Variants in ARHGAP24 observed in about 807,000 individuals in gnomAD.
ARHGAP24 encodes Rho GTPase activating protein 24.
A neutral mutation model predicts 76.4 loss-of-function variants in ARHGAP24; 50 were observed. The ratio of observed to expected loss-of-function variants is 0.65; its 90% CI spans 0.52 to 0.83. ARHGAP24 has a LOEUF of 0.83. Ranked by LOEUF, ARHGAP24 falls within the 40% of genes least tolerant of loss-of-function variation. The pLI, the probability that ARHGAP24 is intolerant of heterozygous loss-of-function variation, is 0.00. For missense variants in ARHGAP24, 930 were observed against 914.2 expected (o/e 1.02, Z -0.22); for synonymous variants, 345 against 323.3 (o/e 1.07, Z -0.72).
In ARHGAP24 at chr4:85,914,212, A is replaced by G. The variant is rs538880756; in HGVS notation, c.269-9436A>G. Among the ~76,000 whole-genome samples the G allele has an allele frequency of 7.1e-4, 108 of 152,362 alleles. 4 individuals are homozygous for G. The South Asian group carries it at 0.022, about 31-fold the overall frequency. On this transcript the variant is annotated intron_variant, in intron 3 of 9. Coordinates refer to ENST00000395184, the MANE Select transcript of ARHGAP24 (RefSeq NM_001025616.3). ...TTTCTGGCTGAATGGCTGTCACTGA[A>G]GGAATAAGACATGAATACAAGCTAA...
Position 85,623,320 on chromosome 4 carries a change from G to A in ARHGAP24, c.180+52599G>A, listed in dbSNP as rs866872097. 8.4e-3 allele frequency among the ~76,000 whole-genome samples: 1,280 copies of A among 152,244 alleles called. 21 individuals carry two copies. The highest frequency in any genetic ancestry group is 0.029 in the African/African-American group (1,222 of 41,526). On this transcript the variant is annotated intron_variant, in intron 2 of 9. Coordinates refer to ENST00000395184, the MANE Select transcript of ARHGAP24 (RefSeq NM_001025616.3). ...AGTTTCAGCTTTCTACATATGGCTA[G>A]CCAGTTTTCCCAGCACCATTTATTA...
At chr4:85,626,390 T>A (rs574493019) in intron 2 of ARHGAP24, among the ~76,000 whole-genome samples, 57 of 152,152 alleles carry the variant, frequency 3.7e-4, no homozygotes, top group African/African-American at 1.1e-3. Context: ...AGAATGTTGA[T>A]TATTGGTCCC....
At chr4:85,546,151 G>A (rs890024026) in intron 1 of ARHGAP24, among the ~76,000 whole-genome samples, 1 of 152,092 alleles carries the variant, frequency 6.6e-6, no homozygotes, top group African/African-American at 2.4e-5. Flanking sequence ...ACATGCATAT[G>A]CATAAGCATA....
intron 2 of ARHGAP24, among the ~76,000 whole-genome samples, chr4:85,700,468 G>A (rs1309915885): frequency 6.6e-6 from 1 of 151,648 alleles, no homozygotes; most frequent in Non-Finnish European, 1.5e-5. Context: ...CAGCTGACGT[G>A]GTGCAAAAGA....
In ARHGAP24 at chr4:85,541,378, C is replaced by T. The variant is rs908327796; in HGVS notation, c.-20-29144C>T. ...CCATTTTAGCCGGGATGGTCTTGAT[C>T]TCCTGACCTCGTGATCCGCCCGCCT... On this transcript the variant is annotated intron_variant, in intron 1 of 9. Coordinates refer to ENST00000395184, the MANE Select transcript of ARHGAP24 (RefSeq NM_001025616.3). 6.8e-4 allele frequency among the ~76,000 whole-genome samples: 82 copies of T among 121,370 alleles called. 20 individuals are homozygous for T. Among genetic ancestry groups the T allele is most frequent in the African/African-American group, 4.9e-3 (79 of 15,990 alleles). 79.6% of individuals were successfully genotyped at this position (121,370 alleles called of 152,430 possible). A position where few individuals can be genotyped will look rare whatever the true frequency, so the allele number is the denominator to read the frequency against.
chr4:85,779,074 A>G, intron 3 of ARHGAP24: 3 of 740,760 alleles, frequency 4.0e-6, no homozygotes, highest in Non-Finnish European at 4.9e-6. Context: ...TTTGAGAGAA[A>G]ATATACCCTT....
chr4:85,932,859 A>C (rs1022416936), intron 4 of ARHGAP24, among the ~76,000 whole-genome samples: 4 of 152,116 alleles, frequency 2.6e-5, no homozygotes, highest in African/African-American at 9.7e-5. Flanking sequence ...CTGCGTGCCC[A>C]CAGTTCTGCA....
intron 2 of ARHGAP24, among the ~76,000 whole-genome samples, chr4:85,665,630 C>T (rs935764519): frequency 5.3e-5 from 8 of 152,192 alleles, no homozygotes; most frequent in African/African-American, 1.9e-4. Flanking sequence ...TACAATTTGG[C>T]TTGATTTTGC....
intron 8 of ARHGAP24, 134 bp from the exon 9 acceptor site, chr4:85,994,449 T>C (rs1740520832): frequency 5.6e-6 from 5 of 890,914 alleles, no homozygotes; most frequent in Non-Finnish European, 9.2e-6. Context: ...GCTATTATCA[T>C]AGTTAAGAAT....
intron 3 of ARHGAP24, among the ~76,000 whole-genome samples, chr4:85,761,264 A>G (rs550458396): frequency 6.6e-6 from 1 of 152,210 alleles, no homozygotes; most frequent in South Asian, 2.1e-4. Context: ...CGTGCCCAAA[A>G]TCTCATCAGT....
At position 85,931,122 on chromosome 4, in the gene ARHGAP24, A is replaced by G. The variant is rs532565956; in HGVS notation, c.391+7352A>G. 7 of 1,426,532 alleles carry G rather than the reference A, an allele frequency of 4.9e-6. No homozygotes were observed. The African/African-American group carries it at 7.2e-5, about 15-fold the overall frequency. The allele number at this position is 1,426,532 out of a possible 1,614,324, so 88.4% of individuals were successfully genotyped here. On this transcript the variant is annotated intron_variant, in intron 4 of 9. Coordinates refer to ENST00000395184, the MANE Select transcript of ARHGAP24 (RefSeq NM_001025616.3). ...GGCTTTAAGGTCTGTTTATGCTCAGATAAAATGGGAGTTTGGAAACCAAGA... is the reference window on the plus strand; with the variant it reads ...GGCTTTAAGGTCTGTTTATGCTCAGGTAAAATGGGAGTTTGGAAACCAAGA...
intron 4 of ARHGAP24, among the ~76,000 whole-genome samples, chr4:85,931,489 G>C (rs1272196137): frequency 1.3e-5 from 2 of 152,124 alleles, no homozygotes; most frequent in Admixed American, 1.3e-4. Context: ...CCCCTGTTGA[G>C]AAAAATTTGA....
chr4:85,938,042 A>G (rs1736751430), intron 4 of ARHGAP24, among the ~76,000 whole-genome samples: 1 of 152,212 alleles, frequency 6.6e-6, no homozygotes, highest in African/African-American at 2.4e-5. Context: ...GGCTCTATAA[A>G]TCACATGTAA....
chr4:85,716,304 T>C (rs544383027), intron 2 of ARHGAP24, among the ~76,000 whole-genome samples: 2 of 152,140 alleles, frequency 1.3e-5, no homozygotes, highest in Non-Finnish European at 2.9e-5. Flanking sequence ...AAACTACTAG[T>C]GTGGTTACAA....
At chr4:85,734,367 A>T (rs1725525058) in intron 3 of ARHGAP24, among the ~76,000 whole-genome samples, 1 of 151,788 alleles carries the variant, frequency 6.6e-6, no homozygotes, top group African/African-American at 2.4e-5. Context: ...TTATTTGTGT[A>T]TTTTTTTCTT....
intron 1 of ARHGAP24, among the ~76,000 whole-genome samples, chr4:85,525,016 A>G (rs112605075): frequency 0.01 from 1,568 of 152,002 alleles, 14 homozygotes; most frequent in East Asian, 0.019. Context: ...ATGGCTTTAC[A>G]CTCTTATTTT....
chr4:85,509,199 G>T (rs1438119495), intron 1 of ARHGAP24, among the ~76,000 whole-genome samples: 1 of 117,050 alleles, frequency 8.5e-6, no homozygotes, highest in African/African-American at 3.3e-5. Context: ...CTGTTGTGGG[G>T]TGGGGGGAGG....
In ARHGAP24 at chr4:85,995,295, G is replaced by C. The variant is rs747275566; in HGVS notation, c.1641G>C (p.Lys547Asn). 9 of 1,613,916 alleles carry C rather than the reference G, an allele frequency of 5.6e-6. No homozygotes were observed. Among genetic ancestry groups the C allele is most frequent in the Non-Finnish European group, 7.6e-6 (9 of 1,180,040 alleles). ...QQFSMMNLDD[K>N]QSIDSATWST... is the part of the protein sequence containing the mutation. The stretch of plus-strand genomic sequence containing the variant: ...TCTCCATGATGAACCTTGATGACAA[G>C]CAGAGCATTGACAGTGCTACCTGGT... The change falls in exon 9 of 10, where the codon AAG becomes AAC. Residue 547 changes from lysine to asparagine, a missense_variant. Physicochemically the swap from Lys to Asn is moderately conservative, Grantham distance 94. Transcript: ENST00000395184.
At chr4:85,924,037 CAT>C (rs1306957550) in intron 4 of ARHGAP24, among the ~76,000 whole-genome samples, 1 of 151,476 alleles carries the variant, frequency 6.6e-6, no homozygotes, top group African/African-American at 2.4e-5. Context: ...TGGATTTTCC[CAT>C]ATTACCGACA....
Sources: gnomAD v4.1 joint callset for allele counts (sites outside exome capture counted in the v4.1 genomes callset) on GRCh38, gnomAD v4.1.1 for gene constraint, MANE v1.5 for transcripts, NCBI Gene and HGNC (gene_info 2026-07-23, HGNC 2026-07-21) for gene names.